GRM7: variants seen among roughly 807,000 people sequenced by gnomAD.
GRM7 encodes metabotropic glutamate receptor 7.
Under a neutral mutation model 84.5 loss-of-function variants are expected in GRM7, and 35 were observed. The ratio of observed to expected loss-of-function variants is 0.41; its 90% CI spans 0.32 to 0.55. The LOEUF is 0.55. Ranked by LOEUF, GRM7 falls within the 20% of genes least tolerant of loss-of-function variation. The probability of loss-of-function intolerance (pLI) is 0.19; values close to 1 mark genes in which losing one functional copy is unlikely to be tolerated. For synonymous variants in GRM7, 487 were observed against 455.1 expected (o/e 1.07, Z -0.89); for missense variants, 1,003 against 1,194.6 (o/e 0.84, Z 2.36).
At chr3:7,602,719 A>G (rs554729845) in intron 8 of GRM7, among the ~76,000 whole-genome samples, 4 of 152,208 alleles carry the variant, frequency 2.6e-5, no homozygotes, top group Admixed American at 6.6e-5. Flanking sequence ...GTTATTTCAG[A>G]AGAAATTACC....
chr3:7,101,933 T>G (rs1699123801), intron 1 of GRM7, among the ~76,000 whole-genome samples: 1 of 151,188 alleles, frequency 6.6e-6, no homozygotes, highest in Non-Finnish European at 1.5e-5. Context: ...TTGTACTACT[T>G]CACTTAAAAT....
intron 7 of GRM7, among the ~76,000 whole-genome samples, chr3:7,512,517 A>C (rs1024794565): frequency 1.3e-5 from 2 of 152,014 alleles, no homozygotes; most frequent in African/African-American, 4.8e-5. Flanking sequence ...CCAGAGAAAG[A>C]GAAGTACTTT....
chr3:7,211,652 CAA>C (rs370634134), intron 2 of GRM7, among the ~76,000 whole-genome samples: 17 of 122,644 alleles, frequency 1.4e-4, no homozygotes, highest in South Asian at 5.2e-4. Flanking sequence ...TTCTCCCAAC[CAA>C]AAAAAAAAAA....
intron 8 of GRM7, among the ~76,000 whole-genome samples, chr3:7,622,484 G>A (rs970172122): frequency 1.7e-4 from 26 of 152,048 alleles, no homozygotes; most frequent in African/African-American, 6.0e-4. Flanking sequence ...GTCAGATGGG[G>A]GAGACAGCTG....
chr3:7,298,753 G>A lies in GRM7; in HGVS notation c.806G>A (p.Arg269Lys), dbSNP rs149435217. 6.2e-7 allele frequency: 1 copy of A among 1,612,536 alleles called. No homozygotes were observed. Among genetic ancestry groups the A allele is most frequent in the Non-Finnish European group, 8.5e-7 (1 of 1,178,568 alleles). ...ERKDRTIDFD[R>K]IIKQLLDTPN... ...AAAGACAGGACCATTGACTTTGATA[G>A]AATTATCAAACAGCTCCTGGACACC... is the stretch of plus-strand genomic sequence containing the variant. The change falls in exon 3 of 10, where the codon AGA becomes AAA. Residue 269 changes from arginine to lysine, a missense_variant. Arg to Lys is a conservative substitution (Grantham distance 26). This residue lies in a region of GRM7 where 910 missense variants were observed against 1,126.0 expected (regional missense o/e 0.81). Coordinates refer to ENST00000357716, the MANE Select transcript of GRM7 (RefSeq NM_000844.4).
intron 4 of GRM7, among the ~76,000 whole-genome samples, chr3:7,331,553 C>T (rs1278432813): frequency 6.6e-6 from 1 of 152,180 alleles, no homozygotes; most frequent in African/African-American, 2.4e-5. Context: ...AGTCATCTAG[C>T]TAATCTCTGT....
rs1371476365 is a variant in GRM7 at position 7,609,938 on chromosome 3, G to T, written c.2451+30581G>T. On this transcript the variant is annotated intron_variant, in intron 8 of 9. Transcript: ENST00000357716. Reference sequence around the variant, plus strand: ...GATATAGCCATCCCATTCATAGCTGGGTACTTCTGACAAATAGATTCCCAA... The same window carrying T: ...GATATAGCCATCCCATTCATAGCTGTGTACTTCTGACAAATAGATTCCCAA... Among the ~76,000 whole-genome samples, 3 of 152,236 alleles carry T rather than the reference G, an allele frequency of 2.0e-5. No individual in the cohort carries two copies. In the East Asian group the frequency reaches 5.8e-4, roughly 29 times the overall value.
At chr3:7,094,512 C>T (rs1052044496) in intron 1 of GRM7, among the ~76,000 whole-genome samples, 2 of 152,186 alleles carry the variant, frequency 1.3e-5, no homozygotes, top group African/African-American at 4.8e-5. Flanking sequence ...AACAGCAAAA[C>T]TGGGCTTGAG....
chr3:6,982,686 C>G (rs957388125), intron 1 of GRM7, among the ~76,000 whole-genome samples: 2 of 151,894 alleles, frequency 1.3e-5, no homozygotes, highest in African/African-American at 4.8e-5. Context: ...GATCTGTTCA[C>G]CATCACTATA....
intron 4 of GRM7, among the ~76,000 whole-genome samples, chr3:7,369,982 A>G (rs1305285634): frequency 2.0e-5 from 3 of 152,136 alleles, no homozygotes; most frequent in Non-Finnish European, 4.4e-5. Flanking sequence ...AGCATCCCTC[A>G]TGGGAAATCT....
chr3:7,644,120 T>TTGTTTTGTG (rs55748562), intron 8 of GRM7, among the ~76,000 whole-genome samples: 1 of 119,916 alleles, frequency 8.3e-6, no homozygotes, highest in Non-Finnish European at 1.8e-5. Flanking sequence ...ACTGTGCATG[T>TTGTTTTGTG]TGTGTGTGTG....
intron 4 of GRM7, among the ~76,000 whole-genome samples, chr3:7,322,970 T>C (rs1302330260): frequency 6.6e-6 from 1 of 152,132 alleles, no homozygotes; most frequent in African/African-American, 2.4e-5. Flanking sequence ...TCAGGGATTC[T>C]GGGGCATACA....
At chr3:7,483,028 G>A (rs1031173196) in intron 7 of GRM7, among the ~76,000 whole-genome samples, 10 of 152,060 alleles carry the variant, frequency 6.6e-5, no homozygotes, top group South Asian at 2.1e-4. Context: ...TGGAATTCCC[G>A]TTTTGCAAAT....
chr3:7,445,889 C>T (rs1697483590), intron 5 of GRM7, among the ~76,000 whole-genome samples: 2 of 152,150 alleles, frequency 1.3e-5, no homozygotes, highest in Admixed American at 1.3e-4. Context: ...GTAGCACTTT[C>T]AGAACCCAGC....
chr3:7,615,060 T>G (rs1383076513), intron 8 of GRM7, among the ~76,000 whole-genome samples: 1 of 152,208 alleles, frequency 6.6e-6, no homozygotes, highest in African/African-American at 2.4e-5. Flanking sequence ...TTGTTTTTAC[T>G]GAGAATTCAG....
rs1378081936 is a variant in GRM7, at chr3:6,861,117, T to C, written c.-272T>C. The C allele has an allele frequency of 2.6e-6, 1 of 383,120 alleles. No individual in the cohort carries two copies. Among genetic ancestry groups the C allele is most frequent in the Non-Finnish European group, 4.6e-6 (1 of 217,482 alleles). 23.7% of individuals were successfully genotyped at this position (383,120 alleles called of 1,614,324 possible). On this transcript the variant is annotated 5_prime_UTR_variant, in exon 1 of 10. Coordinates refer to ENST00000357716, the MANE Select transcript of GRM7 (RefSeq NM_000844.4). The surrounding 1 kb of genome is among the most constrained non-coding windows in gnomAD (Gnocchi z 6.4). ...ATAGCAGTCCCTGCCCTCTCCCCAGTGCTGGGCTGTTGGAGAGAGCGAGCA... is the reference window on the plus strand; with the variant it reads ...ATAGCAGTCCCTGCCCTCTCCCCAGCGCTGGGCTGTTGGAGAGAGCGAGCA...
intron 8 of GRM7, among the ~76,000 whole-genome samples, chr3:7,627,113 C>T (rs1252943618): frequency 2.0e-5 from 3 of 152,120 alleles, no homozygotes; most frequent in Non-Finnish European, 4.4e-5. Flanking sequence ...TTCCTTCCAA[C>T]TCAAAAGTAT....
chr3:7,735,510 T>C (rs1171652055), intron 9 of GRM7, among the ~76,000 whole-genome samples: 1 of 152,180 alleles, frequency 6.6e-6, no homozygotes, highest in African/African-American at 2.4e-5. Context: ...TCTTAAAACT[T>C]TTATTGAAAA....
rs1460707652 is a variant in GRM7, at chr3:7,304,307, C to T, written c.879-2191C>T. On this transcript the variant is annotated intron_variant, in intron 3 of 9. Transcript: ENST00000357716. ...CATTGCTCCATCATCCATCATCCATCCTTTTTTTTTTTTTTTGCCTCTTGA... is the reference window on the plus strand; with the variant it reads ...CATTGCTCCATCATCCATCATCCATTCTTTTTTTTTTTTTTTGCCTCTTGA... Among the ~76,000 whole-genome samples, 493 of 65,530 alleles carry T rather than the reference C, an allele frequency of 7.5e-3. 2 individuals are homozygous for T. The highest frequency in any genetic ancestry group is 0.012 in the Non-Finnish European group (392 of 33,306). 43.0% of individuals were successfully genotyped at this position (65,530 alleles called of 152,430 possible).
Sources: allele counts gnomAD v4.1 joint callset (sites outside exome capture counted in the v4.1 genomes callset), GRCh38; gene constraint gnomAD v4.1.1; regional missense constraint gnomAD v4.1.1; non-coding constraint Gnocchi (gnomAD v3.1); transcripts MANE v1.5; gene names NCBI Gene and HGNC (gene_info 2026-07-23, HGNC 2026-07-21).